TGFB1I1: variants seen among roughly 807,000 people sequenced by gnomAD.
TGFB1I1 encodes transforming growth factor beta 1 induced transcript 1.
TGFB1I1 carries 33 observed loss-of-function variants against 52.0 expected under a neutral mutation model. The ratio of observed to expected loss-of-function variants is 0.63; its 90% CI spans 0.48 to 0.85. The LOEUF is 0.85. Ranked by LOEUF, TGFB1I1 falls within the 40% of genes least tolerant of loss-of-function variation. The pLI is 0.00. For synonymous variants in TGFB1I1, 236 were observed against 253.3 expected, an observed-to-expected ratio of 0.93 and a Z score of 0.65; for missense variants, 577 against 614.9, an observed-to-expected ratio of 0.94 and a Z score of 0.65.
At chr16:31,475,939 G>A (rs572666501) in intron 7 of TGFB1I1, 73 bp from the exon 8 acceptor site, 1,060 of 1,500,652 alleles carry the variant, frequency 7.1e-4, no homozygotes, top group Non-Finnish European at 9.1e-4. Flanking sequence ...CTCGAAAAAC[G>A]CCGCGTAAAT....
In TGFB1I1 at chr16:31,476,951, C is replaced by G. The variant is rs754971293; in HGVS notation, c.1060C>G (p.Leu354Val). The change falls in exon 10 of 11, where the codon CTG (leucine) becomes GTG (valine). Residue 354 changes from leucine (L) to valine (V), a missense_variant. Transcript: ENST00000394863. The surrounding 1 kb of genome is among the most constrained non-coding windows in gnomAD (Gnocchi z 7.6). ...CTGCCAGGGCTGCCAGGGCCCCATC[C>G]TGGATAACTACATCTCGGCGCTCAG... ...PRCQGCQGPI[L>V]DNYISALSAL... The G allele has an allele frequency of 6.2e-7, 1 of 1,603,936 alleles. No individual in the cohort carries two copies. Among genetic ancestry groups the G allele is most frequent in the South Asian group, 1.1e-5 (1 of 90,298 alleles).
Position 31,476,818 on chromosome 16 carries a change from C to T in TGFB1I1, c.971-44C>T, listed in dbSNP as rs764497049. 2.6e-5 allele frequency: 42 copies of T among 1,609,182 alleles called. No individual in the cohort carries two copies. The highest frequency in any genetic ancestry group is 3.4e-5 in the Non-Finnish European group (40 of 1,179,044). ...CTCAGGTCTTGTGGGTCCCCCGTCC[C>T]GCCCGCACCCTTTGCTTTCAGCCCA... On this transcript the variant is annotated intron_variant, in intron 9 of 10. Coordinates refer to ENST00000394863, the MANE Select transcript of TGFB1I1 (RefSeq NM_001042454.3). The surrounding 1 kb of genome is among the most constrained non-coding windows in gnomAD (Gnocchi z 7.6).
In TGFB1I1 at chr16:31,477,559, C is replaced by T; in HGVS notation, c.1369C>T (p.Leu457=). 1 of 1,607,176 alleles carries T rather than the reference C, an allele frequency of 6.2e-7. No homozygotes were observed. The highest frequency in any genetic ancestry group is 8.5e-7 in the Non-Finnish European group (1 of 1,177,700). ...CAAGCCCTACTGCCAGCCCTGCTTCCTGAAGCTCTTCGGCTGACAGCCCGC... is the reference window on the plus strand; with the variant it reads ...CAAGCCCTACTGCCAGCCCTGCTTCTTGAAGCTCTTCGGCTGACAGCCCGC... ...AGKPYCQPCF[L]KLFG is the part of the protein sequence containing the mutation. Residue 457 remains leucine (L), a synonymous_variant, in exon 11 of 11, where the codon CTG becomes TTG. Coordinates refer to ENST00000394863, the MANE Select transcript of TGFB1I1 (RefSeq NM_001042454.3). The surrounding 1 kb of genome is among the most constrained non-coding windows in gnomAD (Gnocchi z 4.7).
Position 31,474,045 on chromosome 16 carries a change from A to G in TGFB1I1, c.325+68A>G, listed in dbSNP as rs2082407303. ...GGGAGGGAAGGGTGGGGCAGAGACT[A>G]AGAGGAATACACTTCCCAGAGTAGC... On this transcript the variant is annotated intron_variant, in intron 4 of 10. Transcript: ENST00000394863. The surrounding 1 kb of genome is among the most constrained non-coding windows in gnomAD (Gnocchi z 4.2). The G allele has an allele frequency of 1.2e-6, 2 of 1,611,098 alleles. No homozygotes were observed. The highest frequency in any genetic ancestry group is 1.7e-6 in the Non-Finnish European group (2 of 1,177,890).
rs550050905 is a variant in TGFB1I1 at position 31,476,971 on chromosome 16, G to A, written c.1080G>A (p.Ala360=). The change falls in exon 10 of 11, where the codon GCG becomes GCA. Residue 360 remains alanine, a synonymous_variant. Transcript: ENST00000394863. The surrounding 1 kb of genome is among the most constrained non-coding windows in gnomAD (Gnocchi z 7.6). ...CCATCCTGGATAACTACATCTCGGC[G>A]CTCAGCGCGCTCTGGCACCCGGACT... ...QGPILDNYIS[A]LSALWHPDCF... 24 of 1,596,348 alleles carry A rather than the reference G, an allele frequency of 1.5e-5. No homozygotes were observed. The South Asian group carries it at 2.7e-4, about 18-fold the overall frequency.
Position 31,476,045 on chromosome 16 carries a change from G to C in TGFB1I1, c.748G>C (p.Glu250Gln). The C allele has an allele frequency of 1.2e-6, 2 of 1,613,488 alleles. No individual in the cohort carries two copies. Among genetic ancestry groups the C allele is most frequent in the Non-Finnish European group, 1.7e-6 (2 of 1,179,998 alleles). Residue 250 changes from glutamate (E) to glutamine (Q), a missense_variant, in exon 8 of 11, where the codon GAG (glutamate) becomes CAG (glutamine). Physicochemically the swap from Glu to Gln is conservative, Grantham distance 29. Around this residue, in one of 3 missense-constraint regions of TGFB1I1, gnomAD observed 456 missense variants for 461.6 expected, o/e 0.99. Coordinates refer to ENST00000394863, the MANE Select transcript of TGFB1I1 (RefSeq NM_001042454.3). The surrounding 1 kb of genome is among the most constrained non-coding windows in gnomAD (Gnocchi z 7.6). ...GGCTCTGGGCCGCGCCTGGCACCCC[G>C]AGCACTTCGTTTGCGGAGGCTGTTC... is the stretch of plus-strand genomic sequence containing the variant. The part of the protein sequence containing the change: ...VTALGRAWHP[E>Q]HFVCGGCSTA...
intron 3 of TGFB1I1, 30 bp downstream of exon 3, chr16:31,473,764 G>A (rs935488502): frequency 1.8e-5 from 29 of 1,585,416 alleles, no homozygotes; most frequent in Non-Finnish European, 2.5e-5. Flanking sequence ...GGGCATGGGG[G>A]CCAACTGAGT....
rs775812392 is a variant in TGFB1I1 at position 31,474,658 on chromosome 16, C to T, written c.615C>T (p.Asp205=). Residue 205 remains aspartate (D), a synonymous_variant, in exon 7 of 11, where the codon GAC becomes GAT. Transcript: ENST00000394863. This position sits in a 1 kb window ranked among gnomAD's most constrained non-coding sequence, Gnocchi z 4.2. ...AGCCGACTGGCAAGGGCAGCCTAGA[C>T]ACCATGCTGGGGCTGCTGCAGTCCG... ...PPEPTGKGSL[D]TMLGLLQSDL... is the part of the protein sequence containing the mutation. 6 of 1,613,558 alleles carry T rather than the reference C, an allele frequency of 3.7e-6. No individual in the cohort carries two copies. The Admixed American group carries it at 8.3e-5, about 22-fold the overall frequency.
chr16:31,474,658 C>G lies in TGFB1I1; in HGVS notation c.615C>G (p.Asp205Glu). ...AGCCGACTGGCAAGGGCAGCCTAGA[C>G]ACCATGCTGGGGCTGCTGCAGTCCG... ...PPEPTGKGSL[D>E]TMLGLLQSDL... is the part of the protein sequence containing the mutation. The change falls in exon 7 of 11, where the codon GAC (aspartate) becomes GAG (glutamate). Residue 205 changes from aspartate to glutamate, a missense_variant. Transcript: ENST00000394863. This position sits in a 1 kb window ranked among gnomAD's most constrained non-coding sequence, Gnocchi z 4.2. 1 of 1,613,558 alleles carries G rather than the reference C, an allele frequency of 6.2e-7. No individual in the cohort carries two copies. The highest frequency in any genetic ancestry group is 1.7e-5 in the Admixed American group (1 of 59,980).
chr16:31,475,989 C>G, intron 7 of TGFB1I1, 23 bp from the exon 8 acceptor site: 1 of 1,604,938 alleles, frequency 6.2e-7, no homozygotes, highest in Non-Finnish European at 8.5e-7. Flanking sequence ...GCCGCTCTGA[C>G]CCGCCTCACC....
chr16:31,474,682 C>A lies in TGFB1I1; in HGVS notation c.639C>A (p.Ser213=). ...SLDTMLGLLQ[S]DLSRRGVPTQ... ...ACACCATGCTGGGGCTGCTGCAGTC[C>A]GACCTCAGCCGCCGGGGTGTTCCCA... Residue 213 remains serine (S), a synonymous_variant, in exon 7 of 11, where the codon TCC becomes TCA. Transcript: ENST00000394863. The surrounding 1 kb of genome is among the most constrained non-coding windows in gnomAD (Gnocchi z 4.2). 6.2e-7 allele frequency: 1 copy of A among 1,613,108 alleles called. No homozygotes were observed. Among genetic ancestry groups the A allele is most frequent in the Non-Finnish European group, 8.5e-7 (1 of 1,179,782 alleles).
chr16:31,476,501 C>T lies in TGFB1I1; in HGVS notation c.909C>T (p.Gly303=), dbSNP rs1280472601. Residue 303 remains glycine (G), a synonymous_variant, in exon 9 of 11, where the codon GGC becomes GGT. Transcript: ENST00000394863. This position sits in a 1 kb window ranked among gnomAD's most constrained non-coding sequence, Gnocchi z 7.6. The part of the protein sequence containing the change: ...PIRHKMVTAL[G]THWHPEHFCC... ...TGCAGAAGATGGTGACCGCCTTGGGCACTCACTGGCACCCAGAGCATTTCT... is the reference window on the plus strand; with the variant it reads ...TGCAGAAGATGGTGACCGCCTTGGGTACTCACTGGCACCCAGAGCATTTCT... 6.2e-7 allele frequency: 1 copy of T among 1,613,256 alleles called. No individual in the cohort carries two copies. The highest frequency in any genetic ancestry group is 1.3e-5 in the African/African-American group (1 of 75,064).
chr16:31,476,951 C>T lies in TGFB1I1; in HGVS notation c.1060C>T (p.Leu354=), dbSNP rs754971293. The T allele has an allele frequency of 2.2e-5, 36 of 1,603,818 alleles. No individual in the cohort carries two copies. Among genetic ancestry groups the T allele is most frequent in the Middle Eastern group, 3.3e-4 (2 of 6,072 alleles). ...CTGCCAGGGCTGCCAGGGCCCCATC[C>T]TGGATAACTACATCTCGGCGCTCAG... ...PRCQGCQGPI[L]DNYISALSAL... The change falls in exon 10 of 11, where the codon CTG becomes TTG. Residue 354 remains leucine, a synonymous_variant. Coordinates refer to ENST00000394863, the MANE Select transcript of TGFB1I1 (RefSeq NM_001042454.3). This position sits in a 1 kb window ranked among gnomAD's most constrained non-coding sequence, Gnocchi z 7.6.
In TGFB1I1 at chr16:31,477,008, A is replaced by C. The variant is rs1374444831; in HGVS notation, c.1117A>C (p.Arg373=). 1 of 1,518,112 alleles carries C rather than the reference A, an allele frequency of 6.6e-7. No homozygotes were observed. The highest frequency in any genetic ancestry group is 1.8e-5 in the Admixed American group (1 of 55,446). The allele number at this position is 1,518,112 out of a possible 1,614,324, so 94.0% of individuals were successfully genotyped here. Residue 373 remains arginine, a splice_region_variant and synonymous_variant, in exon 10 of 11, where the codon AGG becomes CGG. Coordinates refer to ENST00000394863, the MANE Select transcript of TGFB1I1 (RefSeq NM_001042454.3). The surrounding 1 kb of genome is among the most constrained non-coding windows in gnomAD (Gnocchi z 4.7). ...CTGGCACCCGGACTGTTTCGTCTGC[A>C]GGGTGCGAGCTGCGGGGCGGGGCGT... ...ALWHPDCFVC[R]ECFAPFSGGS...
In TGFB1I1 at chr16:31,476,802, T is replaced by C; in HGVS notation, c.971-60T>C. ...TCCTTCGGCCCCAGATCTCAGGTCT[T>C]GTGGGTCCCCCGTCCCGCCCGCACC... On this transcript the variant is annotated intron_variant, in intron 9 of 10. Transcript: ENST00000394863. This position sits in a 1 kb window ranked among gnomAD's most constrained non-coding sequence, Gnocchi z 7.6. The C allele has an allele frequency of 1.2e-6, 2 of 1,602,974 alleles. No individual in the cohort carries two copies. The highest frequency in any genetic ancestry group is 2.2e-5 in the South Asian group (2 of 89,514).
chr16:31,473,756 G>T (rs1254132726), intron 3 of TGFB1I1, 22 bp downstream of exon 3: 1 of 1,579,622 alleles, frequency 6.3e-7, no homozygotes, highest in African/African-American at 1.4e-5. Flanking sequence ...GGAAACCAGG[G>T]CATGGGGGCC....
rs764975755 is a variant in TGFB1I1 at position 31,474,106 on chromosome 16, C to T, written c.326-46C>T. 88 of 1,609,896 alleles carry T rather than the reference C, an allele frequency of 5.5e-5. No individual in the cohort carries two copies. Among genetic ancestry groups the T allele is most frequent in the Non-Finnish European group, 5.9e-5 (69 of 1,176,738 alleles). The stretch of plus-strand genomic sequence containing the variant: ...ACCTAAAGCCTCAAGTGTGAGGGTG[C>T]GTTGAGCATGGCCCTATATGTAGCG... On this transcript the variant is annotated intron_variant, in intron 4 of 10. Coordinates refer to ENST00000394863, the MANE Select transcript of TGFB1I1 (RefSeq NM_001042454.3). This position sits in a 1 kb window ranked among gnomAD's most constrained non-coding sequence, Gnocchi z 4.2.
chr16:31,473,212 A>C (rs1022418817), intron 1 of TGFB1I1: 2 of 1,346,918 alleles, frequency 1.5e-6, no homozygotes, highest in African/African-American at 3.0e-5. Context: ...TGGGGAGAAT[A>C]AAATAATCAG....
chr16:31,475,851 A>G (rs1228976089), intron 7 of TGFB1I1, 161 bp from the exon 8 acceptor site: 2 of 752,792 alleles, frequency 2.7e-6, no homozygotes, highest in African/African-American at 3.5e-5. Flanking sequence ...AAGACGGAAC[A>G]CGGGAGCTAG....
Sources: gnomAD v4.1 joint callset for allele counts on GRCh38, gnomAD v4.1.1 for gene constraint, gnomAD v4.1.1 regional missense constraint, Gnocchi (gnomAD v3.1) non-coding constraint, MANE v1.5 for transcripts, NCBI Gene and HGNC (gene_info 2026-07-23, HGNC 2026-07-21) for gene names.